Variants in ASPH observed in about 807,000 individuals in gnomAD.
ASPH encodes aspartate beta-hydroxylase, also known as aspartyl/asparaginyl beta-hydroxylase.
Under a neutral mutation model 118.4 loss-of-function variants are expected in ASPH, and 100 were observed. That is an observed-to-expected ratio of 0.84 (90% CI 0.72 to 1.00). The LOEUF (loss-of-function observed/expected upper bound fraction) is 1.00, where lower values mean the gene tolerates loss of function less well. Among genes scored for constraint, ASPH ranks in the 50% least tolerant of loss-of-function variants. ASPH has a pLI of 0.00. For synonymous variants in ASPH, 315 were observed against 325.6 expected (o/e 0.97, Z 0.35); for missense variants, 920 against 919.5 (o/e 1.00, Z -0.01).
chr8:61,574,946 C>T (rs1250849975), intron 16 of ASPH, among the ~76,000 whole-genome samples: 3 of 152,176 alleles, frequency 2.0e-5, no homozygotes, highest in Non-Finnish European at 2.9e-5. Context: ...CCTCCTTGAT[C>T]CTTGCTTCCC....
In ASPH at chr8:61,714,451, G is replaced by A. The variant is rs1838899220; in HGVS notation, c.-80C>T. Reference sequence around the variant, plus strand: ...GTACACACGCGACGCGGGAACCGCTGGCGGCGGCGGGCCGCTGGAGCGGGT... The same window carrying A: ...GTACACACGCGACGCGGGAACCGCTAGCGGCGGCGGGCCGCTGGAGCGGGT... On this transcript the variant is annotated 5_prime_UTR_variant, in exon 1 of 25. Coordinates refer to ENST00000379454, the MANE Select transcript of ASPH (RefSeq NM_004318.4). The A allele has an allele frequency of 6.6e-6, 9 of 1,356,624 alleles. No individual in the cohort carries two copies. Among genetic ancestry groups the A allele is most frequent in the South Asian group, 3.4e-5 (2 of 59,460 alleles). 84.0% of individuals were successfully genotyped at this position (1,356,624 alleles called of 1,614,324 possible). A position where few individuals can be genotyped will look rare whatever the true frequency, so the allele number is the denominator to read the frequency against.
intron 1 of ASPH, among the ~76,000 whole-genome samples, chr8:61,698,820 A>G (rs1834559353): frequency 6.6e-6 from 1 of 152,234 alleles, no homozygotes; most frequent in African/African-American, 2.4e-5. Flanking sequence ...ATATTTCACA[A>G]TATCACAGAT....
At chr8:61,648,094 AAATT>A (rs1417690507) in intron 5 of ASPH, among the ~76,000 whole-genome samples, 1 of 152,244 alleles carries the variant, frequency 6.6e-6, no homozygotes, top group Non-Finnish European at 1.5e-5. Flanking sequence ...GACTGTGGGC[AAATT>A]ACTTAACTAC....
chr8:61,566,658 G>T (rs1831795759), intron 17 of ASPH, among the ~76,000 whole-genome samples: 2 of 152,168 alleles, frequency 1.3e-5, no homozygotes, highest in African/African-American at 4.8e-5. Flanking sequence ...CTTATTTTAA[G>T]AAATTGCCTC....
intron 15 of ASPH, among the ~76,000 whole-genome samples, chr8:61,581,828 A>G (rs892142752): frequency 6.6e-6 from 1 of 152,258 alleles, no homozygotes; most frequent in African/African-American, 2.4e-5. Context: ...TCAGTATATC[A>G]TTTCAAACCC....
In ASPH at chr8:61,710,020, A is replaced by G. The variant is rs185854990; in HGVS notation, c.103+4249T>C. ...AAGAATAAATCATCAAAAAAGTCAA[A>G]GCATGCAATGGCCTGATGACATCTA... On this transcript the variant is annotated intron_variant, in intron 1 of 24. Coordinates refer to ENST00000379454, the MANE Select transcript of ASPH (RefSeq NM_004318.4). Among the ~76,000 whole-genome samples, 4 of 152,322 alleles carry G rather than the reference A, an allele frequency of 2.6e-5. No homozygotes were observed. In the East Asian group the frequency reaches 7.7e-4, roughly 29 times the overall value.
intron 21 of ASPH, among the ~76,000 whole-genome samples, chr8:61,533,853 C>T (rs1264851785): frequency 1.3e-5 from 2 of 152,186 alleles, no homozygotes; most frequent in Non-Finnish European, 2.9e-5. Flanking sequence ...TTAAAAAATA[C>T]AATTTGTGCC....
At chr8:61,669,235 T>C (rs1228677749) in intron 3 of ASPH, among the ~76,000 whole-genome samples, 1 of 152,246 alleles carries the variant, frequency 6.6e-6, no homozygotes, top group Admixed American at 6.5e-5. Context: ...ACTTTCAGTA[T>C]TAGATGTCTG....
chr8:61,517,948 GA>G, intron 23 of ASPH, 83 bp downstream of exon 23: 1 of 1,389,414 alleles, frequency 7.2e-7, no homozygotes, highest in East Asian at 2.3e-5. Context: ...TGGGCCAAAG[GA>G]AACAACCATT....
intron 24 of ASPH, among the ~76,000 whole-genome samples, chr8:61,512,035 C>T (rs143149388): frequency 1.8e-4 from 27 of 152,272 alleles, no homozygotes; most frequent in African/African-American, 4.8e-4. Flanking sequence ...GAAGTGATCA[C>T]CTTATAAGTA....
chr8:61,576,823 T>C lies in ASPH; in HGVS notation c.1098A>G (p.Glu366=). ...GACTCTGAGGGTATTTGCGTACTAG[T>C]TCTTTAAATGCATTCACTGCTTCCT... ...KIEEAVNAFK[E]LVRKYPQSPR... is the part of the protein sequence containing the mutation. Residue 366 remains glutamate (E), a synonymous_variant, in exon 16 of 25, where the codon GAA becomes GAG. Coordinates refer to ENST00000379454, the MANE Select transcript of ASPH (RefSeq NM_004318.4). The C allele has an allele frequency of 1.9e-6, 3 of 1,609,582 alleles. No individual in the cohort carries two copies. The highest frequency in any genetic ancestry group is 2.5e-6 in the Non-Finnish European group (3 of 1,177,366).
chr8:61,561,140 A>AAGGAAGGAAGGAAGTT (rs1829829211), intron 18 of ASPH, among the ~76,000 whole-genome samples: 1 of 144,292 alleles, frequency 6.9e-6, no homozygotes, highest in African/African-American at 2.7e-5. Flanking sequence ...GGGAGGGAGG[A>AAGGAAGGAAGGAAGTT]AGGAAGTTAG....
intron 3 of ASPH, 24 bp from the exon 4 acceptor site, chr8:61,653,684 T>A (rs1345802586): frequency 6.2e-7 from 1 of 1,607,066 alleles, no homozygotes; most frequent in Non-Finnish European, 8.5e-7. Flanking sequence ...TTCACAAAGT[T>A]AACTTGAGTT....
intron 1 of ASPH, among the ~76,000 whole-genome samples, chr8:61,704,549 A>T (rs541366700): frequency 1.6e-3 from 237 of 152,216 alleles, no homozygotes; most frequent in African/African-American, 5.6e-3. Context: ...ATAAAAAAAT[A>T]AAAAGGTAAG....
intron 24 of ASPH, among the ~76,000 whole-genome samples, chr8:61,514,178 T>A (rs1018928823): frequency 9.2e-5 from 14 of 152,260 alleles, no homozygotes; most frequent in African/African-American, 3.4e-4. Context: ...CTAAGCCTCC[T>A]GGCACCATCC....
intron 3 of ASPH, among the ~76,000 whole-genome samples, chr8:61,662,361 T>C (rs981723250): frequency 6.6e-6 from 1 of 152,182 alleles, no homozygotes; most frequent in Non-Finnish European, 1.5e-5. Context: ...TTTTCCCTTT[T>C]CAGGTCTTCC....
chr8:61,597,860 C>T (rs190073865), intron 14 of ASPH, among the ~76,000 whole-genome samples: 140 of 152,264 alleles, frequency 9.2e-4, no homozygotes, highest in Admixed American at 1.8e-3. Context: ...ACTAAGCCAG[C>T]CCTACAAGAA....
At chr8:61,514,719 C>CAAAACA (rs1810218595) in intron 24 of ASPH, among the ~76,000 whole-genome samples, 1 of 151,898 alleles carries the variant, frequency 6.6e-6, no homozygotes, top group African/African-American at 2.4e-5. Flanking sequence ...AAAAACAAAA[C>CAAAACA]AAAACAAAAA....
intron 13 of ASPH, among the ~76,000 whole-genome samples, chr8:61,628,710 G>C (rs1854137533): frequency 6.6e-6 from 1 of 152,004 alleles, no homozygotes; most frequent in Admixed American, 6.6e-5. Flanking sequence ...TCTGAAGCTG[G>C]GTGAGTTATC....
Sources: gnomAD v4.1 joint callset for allele counts (sites outside exome capture counted in the v4.1 genomes callset) on GRCh38, gnomAD v4.1.1 for gene constraint, MANE v1.5 for transcripts, NCBI Gene and HGNC (gene_info 2026-07-23, HGNC 2026-07-21) for gene names.